SVBP: variants seen among roughly 807,000 people sequenced by gnomAD.
The protein encoded by SVBP is small vasohibin binding protein.
SVBP carries 9 observed loss-of-function variants against 9.2 expected under a neutral mutation model. That is an observed-to-expected ratio of 0.98 (90% CI 0.59 to 1.71). SVBP has a LOEUF of 1.71. Among genes scored for constraint, SVBP ranks in the 40% most tolerant of loss-of-function variants. The pLI is 0.00. For missense variants in SVBP, 63 were observed against 73.2 expected, an observed-to-expected ratio of 0.86 and a Z score of 0.51; for synonymous variants, 27 against 23.9, an observed-to-expected ratio of 1.13 and a Z score of -0.37.
intron 2 of SVBP, 149 bp downstream of exon 2, chr1:42,816,282 C>G (rs1160006224): frequency 1.7e-6 from 1 of 596,942 alleles, no homozygotes; most frequent in East Asian, 2.9e-5. Context: ...CATTCTGAAC[C>G]TCAGTGTTGT....
At chr1:42,811,166 A>C (rs1421802055) in intron 2 of SVBP, among the ~76,000 whole-genome samples, 1 of 149,944 alleles carries the variant, frequency 6.7e-6, no homozygotes, top group Non-Finnish European at 1.5e-5. Context: ...CCAACCAACC[A>C]AACAGAAAAA....
chr1:42,813,551 CAG>C (rs1279715283), intron 2 of SVBP: 5 of 532,234 alleles, frequency 9.4e-6, no homozygotes, highest in African/African-American at 3.8e-5. Context: ...TCATTCTGAA[CAG>C]AGATACTCCA....
At chr1:42,808,387 G>A (rs985296837) in intron 2 of SVBP, among the ~76,000 whole-genome samples, 7 of 139,012 alleles carry the variant, frequency 5.0e-5, no homozygotes, top group Admixed American at 2.9e-4. Context: ...AGTATATATA[G>A]GCTATATATA....
At chr1:42,812,663 T>G (rs1570516915) in intron 2 of SVBP, among the ~76,000 whole-genome samples, 1 of 152,364 alleles carries the variant, frequency 6.6e-6, no homozygotes, top group East Asian at 1.9e-4. Context: ...GGAAAAACTT[T>G]ACACATTATT....
chr1:42,810,038 C>T (rs1654044541), intron 2 of SVBP, among the ~76,000 whole-genome samples: 1 of 151,682 alleles, frequency 6.6e-6, no homozygotes. Flanking sequence ...TGGTCACGTT[C>T]TATAGTTGGG....
intron 1 of SVBP, 194 bp downstream of exon 1, chr1:42,816,996 C>T (rs1654231934): frequency 3.9e-6 from 1 of 255,192 alleles, no homozygotes; most frequent in East Asian, 1.7e-4. Context: ...CCTAACTCCG[C>T]CGCAGCAGCC....
At chr1:42,816,977 T>G (rs1351593160) in intron 1 of SVBP, 2 of 195,574 alleles carry the variant, frequency 1.0e-5, no homozygotes, top group African/African-American at 4.7e-5. Context: ...GTTTTCCCAC[T>G]GCGGCCGGCC....
chr1:42,808,998 T>A (rs1454089460), intron 2 of SVBP: 1 of 152,282 alleles, frequency 6.6e-6, no homozygotes, highest in Non-Finnish European at 1.5e-5. Context: ...TGCCCAGCCA[T>A]AAGCAACGTT....
intron 2 of SVBP, among the ~76,000 whole-genome samples, chr1:42,815,847 GAAATGAACA>G (rs1654190506): frequency 6.6e-6 from 1 of 152,112 alleles, no homozygotes; most frequent in Middle Eastern, 3.2e-3. Context: ...TGTAAGACAG[GAAATGAACA>G]AAGCAGACAG....
intron 2 of SVBP, among the ~76,000 whole-genome samples, chr1:42,810,378 C>T (rs542367459): frequency 2.0e-5 from 3 of 152,214 alleles, no homozygotes; most frequent in African/African-American, 7.2e-5. Context: ...GATCTCCTGA[C>T]CTCGTGATCT....
At chr1:42,813,230 C>CA (rs745590433) in intron 2 of SVBP, among the ~76,000 whole-genome samples, 216 of 152,226 alleles carry the variant, frequency 1.4e-3, no homozygotes, top group African/African-American at 4.7e-3. Context: ...TTAAATAAAT[C>CA]TTTTCAAAAT....
At chr1:42,808,182 T>TATAC (rs1243399022) in intron 2 of SVBP, among the ~76,000 whole-genome samples, 49 of 130,646 alleles carry the variant, frequency 3.8e-4, no homozygotes, top group Admixed American at 5.5e-4. Flanking sequence ...TATATATACA[T>TATAC]ACTATGTATA....
chr1:42,808,601 G>A (rs1222340407), intron 2 of SVBP, among the ~76,000 whole-genome samples: 1 of 146,272 alleles, frequency 6.8e-6, no homozygotes, highest in East Asian at 2.0e-4. Flanking sequence ...AGTATATATA[G>A]CCTATATATA....
chr1:42,813,784 G>C (rs576111523), intron 2 of SVBP: 12 of 503,022 alleles, frequency 2.4e-5, no homozygotes, highest in African/African-American at 2.0e-4. Flanking sequence ...TCCTGCTTCA[G>C]GGCTGTTTCT....
Position 42,816,462 on chromosome 1 carries a change from T to G in SVBP, c.83A>C (p.Gln28Pro). ...TCTTTGTCTCTGCTTCAGCTCCTGC[T>G]GGGCTGATTTCTGTTTGGCCTTCTC... ...RVEKAKQKSA[Q>P]QELKQRQRAE... The change falls in exon 2 of 3, where the codon CAG becomes CCG. Residue 28 changes from glutamine (Q) to proline (P), a missense_variant. Gln to Pro is a moderately conservative substitution (Grantham distance 76). Transcript: ENST00000372521. The G allele has an allele frequency of 6.2e-7, 1 of 1,614,034 alleles. No homozygotes were observed. The highest frequency in any genetic ancestry group is 8.5e-7 in the Non-Finnish European group (1 of 1,179,904).
At chr1:42,808,149 G>GTATATATATATATATATA (rs781743959) in intron 2 of SVBP, among the ~76,000 whole-genome samples, 4 of 58,284 alleles carry the variant, frequency 6.9e-5, no homozygotes, top group Admixed American at 2.1e-4. Flanking sequence ...GTGTGTGTGT[G>GTATATATATATATATATA]TATATATATA....
Position 42,807,356 on chromosome 1 carries a change from A to T in SVBP, c.*58T>A. The T allele has an allele frequency of 7.6e-7, 1 of 1,319,906 alleles. No individual in the cohort carries two copies. The highest frequency in any genetic ancestry group is 1.1e-6 in the Non-Finnish European group (1 of 912,782). The allele number at this position is 1,319,906 out of a possible 1,614,324, so 81.8% of individuals were successfully genotyped here. ...GGCTCCAAATGGGCCATCTCAGCTT[A>T]AAACTGGCAACACCCTCTCAAAGCT... On this transcript the variant is annotated 3_prime_UTR_variant, in exon 3 of 3. Transcript: ENST00000372521.
rs1352396980 is a variant in SVBP at position 42,817,268 on chromosome 1, C to A, written c.-115G>T. 2 of 1,241,068 alleles carry A rather than the reference C, an allele frequency of 1.6e-6. No homozygotes were observed. Among genetic ancestry groups the A allele is most frequent in the Non-Finnish European group, 2.1e-6 (2 of 964,242 alleles). The allele number at this position is 1,241,068 out of a possible 1,614,324, so 76.9% of individuals were successfully genotyped here. On this transcript the variant is annotated 5_prime_UTR_variant, in exon 1 of 3. Coordinates refer to ENST00000372521, the MANE Select transcript of SVBP (RefSeq NM_199342.4). ...CCTCCGGGAGGGTAATCCTCGCCTT[C>A]CCCCGACCACTGGACCCAGCGCTGC...
At chr1:42,815,623 ATAGAC>A (rs1463818911) in intron 2 of SVBP, among the ~76,000 whole-genome samples, 1 of 152,158 alleles carries the variant, frequency 6.6e-6, no homozygotes, top group African/African-American at 2.4e-5. Flanking sequence ...GATGCATAAA[ATAGAC>A]TATTATAAAA....
Sources: allele counts gnomAD v4.1 joint callset (sites outside exome capture counted in the v4.1 genomes callset), GRCh38; gene constraint gnomAD v4.1.1; transcripts MANE v1.5; gene names NCBI Gene and HGNC (gene_info 2026-07-23, HGNC 2026-07-21).